Variants in TGFBRAP1 observed in about 807,000 individuals in gnomAD.
TGFBRAP1 encodes the protein transforming growth factor-beta receptor-associated protein 1.
Under a neutral mutation model 83.2 loss-of-function variants are expected in TGFBRAP1, and 20 were observed. The ratio of observed to expected loss-of-function variants is 0.24; its 90% CI spans 0.17 to 0.35. TGFBRAP1 has a LOEUF of 0.35. Among genes scored for constraint, TGFBRAP1 ranks in the 10% least tolerant of loss-of-function variants. TGFBRAP1 has a pLI of 1.00. For synonymous variants in TGFBRAP1, 415 were observed against 459.8 expected, an observed-to-expected ratio of 0.90 and a Z score of 1.25; for missense variants, 950 against 1,099.4, an observed-to-expected ratio of 0.86 and a Z score of 1.92.
intron 2 of TGFBRAP1, among the ~76,000 whole-genome samples, chr2:105,302,550 C>G (rs1678335586): frequency 6.6e-6 from 1 of 151,326 alleles, no homozygotes; most frequent in Admixed American, 6.6e-5. Flanking sequence ...AAAAAAAAAG[C>G]AAGGTGAGGA....
At chr2:105,267,820 A>G in intron 11 of TGFBRAP1, 1 of 985,466 alleles carries the variant, frequency 1.0e-6, no homozygotes, top group Non-Finnish European at 1.2e-6. Flanking sequence ...AGGCATTTCT[A>G]CTTAAGATCC....
intron 10 of TGFBRAP1, among the ~76,000 whole-genome samples, chr2:105,272,002 G>A (rs1160679326): frequency 2.6e-5 from 4 of 152,214 alleles, no homozygotes; most frequent in South Asian, 2.1e-4. Flanking sequence ...GCTGCCTAGC[G>A]CTCCTAAGCT....
chr2:105,315,953 T>C (rs1678841249), intron 1 of TGFBRAP1, among the ~76,000 whole-genome samples: 3 of 152,192 alleles, frequency 2.0e-5, no homozygotes, highest in Admixed American at 1.3e-4. Flanking sequence ...GGCTCAGTTT[T>C]CCCCACTTAC....
downstream of TGFBRAP1, chr2:105,264,320 A>G (rs1313187277): frequency 6.6e-6 from 1 of 152,214 alleles, no homozygotes; most frequent in Non-Finnish European, 1.5e-5. Flanking sequence ...GGGGTTGGCA[A>G]CTCAAGTCCT....
intron 10 of TGFBRAP1, among the ~76,000 whole-genome samples, chr2:105,270,798 T>C (rs1024580776): frequency 6.6e-6 from 1 of 152,224 alleles, no homozygotes. Context: ...GTTAAGACCC[T>C]GGGTGAGGTA....
At chr2:105,255,208 T>G in the TGFBRAP1 span, among the ~76,000 whole-genome samples, 1 of 152,226 alleles carries the variant, frequency 6.6e-6, no homozygotes, top group Non-Finnish European at 1.5e-5. Flanking sequence ...TTTCTGTAAC[T>G]GATGCTTTGA....
intron 4 of TGFBRAP1, among the ~76,000 whole-genome samples, chr2:105,295,578 G>C (rs1373204440): frequency 6.6e-6 from 1 of 151,934 alleles, no homozygotes; most frequent in Non-Finnish European, 1.5e-5. Flanking sequence ...TTTGGGAGGC[G>C]GAGGCGGGTG....
At chr2:105,252,045 C>A in the TGFBRAP1 span, among the ~76,000 whole-genome samples, 1 of 150,596 alleles carries the variant, frequency 6.6e-6, no homozygotes, top group Non-Finnish European at 1.5e-5. Context: ...AAACCAGAGA[C>A]CTTTGTTCAC....
chr2:105,329,647 G>GCGCCGCCCCGCGGCCTGGGGCCC lies in TGFBRAP1; in HGVS notation c.-63_-41dup, dbSNP rs1419836103. 6 of 146,088 alleles carry GCGCCGCCCCGCGGCCTGGGGCCC rather than the reference G, an allele frequency of 4.1e-5. No homozygotes were observed. The highest frequency in any genetic ancestry group is 4.1e-4 in the Admixed American group (6 of 14,660). The allele number at this position is 146,088 out of a possible 1,614,324, so 9.0% of individuals were successfully genotyped here. A position where few individuals can be genotyped will look rare whatever the true frequency, so the allele number is the denominator to read the frequency against. ...CACCGGCGCCGGCGCCCGCCGTCCCGCGCCGCCCCGCGGCCTGGGGCCCCG... is the reference window on the plus strand; with the variant it reads ...CACCGGCGCCGGCGCCCGCCGTCCCGCGCCGCCCCGCGGCCTGGGGCCCCGCCGCCCCGCGGCCTGGGGCCCCG... On this transcript the variant is annotated 5_prime_UTR_variant, in exon 1 of 12. Coordinates refer to ENST00000393359, the MANE Select transcript of TGFBRAP1 (RefSeq NM_004257.6).
At chr2:105,320,804 G>A (rs1679033346) in intron 1 of TGFBRAP1, among the ~76,000 whole-genome samples, 2 of 152,170 alleles carry the variant, frequency 1.3e-5, no homozygotes, top group Admixed American at 6.5e-5. Context: ...CCAAGCAGTT[G>A]TCAAAAGGGA....
chr2:105,307,485 C>T, intron 2 of TGFBRAP1, 129 bp downstream of exon 2: 1 of 1,006,158 alleles, frequency 9.9e-7, no homozygotes, highest in Non-Finnish European at 1.5e-6. Context: ...ACTGCTACCT[C>T]TGTCTTGCCA....
intron 1 of TGFBRAP1, among the ~76,000 whole-genome samples, chr2:105,313,390 A>C (rs985285850): frequency 6.6e-6 from 1 of 152,224 alleles, no homozygotes; most frequent in African/African-American, 2.4e-5. Context: ...GGCAGCACAG[A>C]GCACTGGCTA....
Position 105,269,628 on chromosome 2 carries a change from G to T in TGFBRAP1, c.2050C>A (p.His684Asn), listed in dbSNP as rs1262491392. The change falls in exon 11 of 12, where the codon CAT becomes AAT. Residue 684 changes from histidine (H) to asparagine (N), a missense_variant. Transcript: ENST00000393359. The surrounding 1 kb of genome is among the most constrained non-coding windows in gnomAD (Gnocchi z 4.1). ...GKLGEHEKAL[H>N]ILVHELQDFA... ...TCCTGCAGCTCGTGCACCAGGATAT[G>T]CAGCGCCTTCTCATGCTCGCCCAGC... is the stretch of plus-strand genomic sequence containing the variant. 6.2e-7 allele frequency: 1 copy of T among 1,602,278 alleles called. No individual in the cohort carries two copies. Among genetic ancestry groups the T allele is most frequent in the East Asian group, 2.2e-5 (1 of 44,578 alleles).
intron 2 of TGFBRAP1, among the ~76,000 whole-genome samples, chr2:105,302,758 T>C (rs548373296): frequency 1.3e-5 from 2 of 152,316 alleles, no homozygotes; most frequent in South Asian, 4.1e-4. Flanking sequence ...TAAACATTTA[T>C]ATAATAAAAA....
chr2:105,307,890 C>T lies in TGFBRAP1; in HGVS notation c.412G>A (p.Val138Ile), dbSNP rs775553702. 3.1e-6 allele frequency: 5 copies of T among 1,614,096 alleles called. No homozygotes were observed. Among genetic ancestry groups the T allele is most frequent in the Non-Finnish European group, 4.2e-6 (5 of 1,180,046 alleles). ...PVSGDPFCVE[V>I]CIISVKRRTI... ...CTGCGTTTGACAGAGATGATGCAAA[C>T]TTCTACACAGAAGGGGTCCCCACTC... The change falls in exon 2 of 12, where the codon GTT (valine) becomes ATT (isoleucine). Residue 138 changes from valine (V) to isoleucine (I), a missense_variant. By Grantham distance (29) the Val-to-Ile change is conservative. Transcript: ENST00000393359.
At chr2:105,318,181 C>T (rs1194452302) in intron 1 of TGFBRAP1, among the ~76,000 whole-genome samples, 1 of 152,162 alleles carries the variant, frequency 6.6e-6, no homozygotes, top group Non-Finnish European at 1.5e-5. Context: ...CTGTTTGAGA[C>T]ACAGGAAAAC....
At chr2:105,324,707 G>A (rs1320946705) in intron 1 of TGFBRAP1, among the ~76,000 whole-genome samples, 1 of 152,148 alleles carries the variant, frequency 6.6e-6, no homozygotes, top group African/African-American at 2.4e-5. Flanking sequence ...GGGTTGGGGT[G>A]AATGTGAGCT....
chr2:105,278,158 TA>T (rs914039389), intron 6 of TGFBRAP1, among the ~76,000 whole-genome samples: 3 of 152,096 alleles, frequency 2.0e-5, no homozygotes. Flanking sequence ...CTCATTGCTG[TA>T]TATTTACTTA....
At chr2:105,278,224 A>T (rs1481743094) in intron 6 of TGFBRAP1, among the ~76,000 whole-genome samples, 1 of 152,208 alleles carries the variant, frequency 6.6e-6, no homozygotes, top group Non-Finnish European at 1.5e-5. Flanking sequence ...ATTCCAATCT[A>T]AGATGAGCTG....
Sources: gnomAD v4.1 joint callset for allele counts (sites outside exome capture counted in the v4.1 genomes callset) on GRCh38, gnomAD v4.1.1 for gene constraint, Gnocchi (gnomAD v3.1) non-coding constraint, MANE v1.5 for transcripts, NCBI Gene and HGNC (gene_info 2026-07-23, HGNC 2026-07-21) for gene names.